The following SRGAP1 variants were observed in gnomAD, a reference collection of about 807,000 sequenced individuals.
SRGAP1 encodes SLIT-ROBO Rho GTPase activating protein 1.
In SRGAP1, 43 loss-of-function variants were observed where a neutral mutation model predicts 121.9. That is an observed-to-expected ratio of 0.35 (90% confidence interval 0.28 to 0.46). SRGAP1 has a LOEUF of 0.46. SRGAP1 is among the 20% of genes least tolerant of loss of function. The pLI, the probability that SRGAP1 is intolerant of heterozygous loss-of-function variation, is 1.00. For missense variants in SRGAP1, 1,102 were observed against 1,350.9 expected, an observed-to-expected ratio of 0.82 and a Z score of 2.89; for synonymous variants, 447 against 485.4, an observed-to-expected ratio of 0.92 and a Z score of 1.04.
At chr12:63,862,606 C>G (rs12230811) in intron 1 of SRGAP1, among the ~76,000 whole-genome samples, 10,479 of 152,160 alleles carry the variant, frequency 0.069, 539 homozygotes, top group East Asian at 0.24. Context: ...CTGAAGATAT[C>G]CAGATTTTAG....
chr12:64,012,759 C>T (rs906828244), intron 3 of SRGAP1, among the ~76,000 whole-genome samples: 1 of 151,892 alleles, frequency 6.6e-6, no homozygotes, highest in African/African-American at 2.4e-5. Flanking sequence ...CCATATTCCC[C>T]AGGCTGGTCT....
At chr12:64,017,585 G>T (rs535400845) in intron 4 of SRGAP1, among the ~76,000 whole-genome samples, 2 of 151,644 alleles carry the variant, frequency 1.3e-5, no homozygotes, top group South Asian at 4.2e-4. Context: ...AACCCGGGAG[G>T]CAGAGGTTGT....
chr12:64,028,330 G>A (rs2034698228), intron 4 of SRGAP1, among the ~76,000 whole-genome samples: 2 of 152,226 alleles, frequency 1.3e-5, no homozygotes, highest in South Asian at 4.1e-4. Flanking sequence ...CTCTGTCACT[G>A]ACTTTCTTTG....
chr12:63,932,133 T>G (rs554710755), intron 1 of SRGAP1, among the ~76,000 whole-genome samples: 1 of 151,938 alleles, frequency 6.6e-6, no homozygotes, highest in Non-Finnish European at 1.5e-5. Flanking sequence ...AAAAAAAAAT[T>G]AGCTGGGCGT....
At chr12:63,965,221 A>G (rs1338008587) in intron 1 of SRGAP1, among the ~76,000 whole-genome samples, 1 of 152,232 alleles carries the variant, frequency 6.6e-6, no homozygotes, top group Non-Finnish European at 1.5e-5. Flanking sequence ...TATATAGACC[A>G]GTGGAGTTGT....
chr12:64,040,752 T>A (rs909647452), intron 4 of SRGAP1, among the ~76,000 whole-genome samples: 3 of 152,230 alleles, frequency 2.0e-5, no homozygotes, highest in African/African-American at 7.2e-5. Flanking sequence ...AGCTTGTTTA[T>A]TATTTAAGAA....
chr12:63,940,402 T>TAAAA (rs140140921), intron 1 of SRGAP1, among the ~76,000 whole-genome samples: 2 of 118,016 alleles, frequency 1.7e-5, no homozygotes, highest in African/African-American at 6.3e-5. Context: ...TTCCCCTACT[T>TAAAA]AAAAAAAAAA....
At chr12:64,014,388 A>G (rs2034343262) in intron 3 of SRGAP1, among the ~76,000 whole-genome samples, 1 of 152,236 alleles carries the variant, frequency 6.6e-6, no homozygotes, top group African/African-American at 2.4e-5. Flanking sequence ...CTAAAGTCTT[A>G]GAAAATATGG....
At chr12:64,016,908 G>A in intron 3 of SRGAP1, 42 bp from the exon 4 acceptor site, 1 of 1,116,172 alleles carries the variant, frequency 9.0e-7, no homozygotes, top group Non-Finnish European at 1.3e-6. Context: ...TTTTTAAGAT[G>A]TAAATAATTT....
intron 1 of SRGAP1, among the ~76,000 whole-genome samples, chr12:63,874,289 C>T (rs1459743293): frequency 1.3e-5 from 2 of 151,814 alleles, no homozygotes. Context: ...CTGCAAGCTC[C>T]GCCTCCTGGG....
intron 10 of SRGAP1, among the ~76,000 whole-genome samples, chr12:64,085,013 A>G (rs956134801): frequency 3.9e-5 from 6 of 152,174 alleles, no homozygotes; most frequent in Admixed American, 1.3e-4. Flanking sequence ...AGGATCTTTC[A>G]AAGTATTTGC....
chr12:63,970,553 G>T (rs1391091642), intron 1 of SRGAP1, among the ~76,000 whole-genome samples: 2 of 152,164 alleles, frequency 1.3e-5, no homozygotes, highest in African/African-American at 4.8e-5. Flanking sequence ...AAAGTAGTTT[G>T]CAAGTTGAAT....
chr12:64,090,002 A>G (rs188374653), intron 11 of SRGAP1, among the ~76,000 whole-genome samples: 1 of 152,248 alleles, frequency 6.6e-6, no homozygotes, highest in Admixed American at 6.5e-5. Flanking sequence ...TCTGAAGCTT[A>G]ATGAAGGGCT....
intron 17 of SRGAP1, 74 bp downstream of exon 17, chr12:64,112,060 AAG>A: frequency 1.6e-6 from 2 of 1,260,272 alleles, no homozygotes; most frequent in Non-Finnish European, 2.2e-6. Flanking sequence ...GATTAGAAGA[AAG>A]AGTTTCCCAT....
intron 8 of SRGAP1, among the ~76,000 whole-genome samples, chr12:64,073,701 CT>C (rs545485117): frequency 7.8e-5 from 11 of 140,552 alleles, no homozygotes; most frequent in East Asian, 2.0e-4. Flanking sequence ...TATTATTTTT[CT>C]TTTTTTTTTC....
intron 19 of SRGAP1, 25 bp downstream of exon 19, chr12:64,126,182 C>T (rs778979702): frequency 1.9e-6 from 3 of 1,602,632 alleles, no homozygotes; most frequent in South Asian, 2.2e-5. Flanking sequence ...CTTTGATTGC[C>T]TGAGTGCTCC....
At chr12:63,866,204 T>C (rs12229790) in intron 1 of SRGAP1, among the ~76,000 whole-genome samples, 43,876 of 152,096 alleles carry the variant, frequency 0.29, 7,220 homozygotes, top group East Asian at 0.55. Flanking sequence ...TCAGCTTCGA[T>C]GATTGCTCTC....
In SRGAP1 at chr12:64,016,993, T is replaced by C. The variant is rs1486380636; in HGVS notation, c.470T>C (p.Val157Ala). The C allele has an allele frequency of 2.6e-6, 4 of 1,551,654 alleles. No homozygotes were observed. Among genetic ancestry groups the C allele is most frequent in the Non-Finnish European group, 3.5e-6 (4 of 1,129,550 alleles). ...AFQLHEDLMK[V>A]LNELYTVMKT... Reference sequence around the variant, plus strand: ...CAACTTCATGAGGATTTAATGAAGGTTCTTAATGAGCTTTATACGGTAAGG... The same window carrying C: ...CAACTTCATGAGGATTTAATGAAGGCTCTTAATGAGCTTTATACGGTAAGG... The change falls in exon 4 of 22, where the codon GTT becomes GCT. Residue 157 changes from valine to alanine, a missense_variant. Coordinates refer to ENST00000355086, the MANE Select transcript of SRGAP1 (RefSeq NM_020762.4).
intron 1 of SRGAP1, chr12:63,872,193 G>T: frequency 3.3e-6 from 1 of 300,224 alleles, no homozygotes. Flanking sequence ...GATTGTTTTT[G>T]TACCCTAGGT....
Sources: gnomAD v4.1 joint callset for allele counts (sites outside exome capture counted in the v4.1 genomes callset) on GRCh38, gnomAD v4.1.1 for gene constraint, MANE v1.5 for transcripts, NCBI Gene and HGNC (gene_info 2026-07-23, HGNC 2026-07-21) for gene names.